JADE1: variants seen among roughly 807,000 people sequenced by gnomAD.
JADE1 encodes the protein jade family PHD finger 1.
Under a neutral mutation model 81.8 loss-of-function variants are expected in JADE1, and 14 were observed. The ratio of observed to expected loss-of-function variants is 0.17; its 90% CI spans 0.11 to 0.27. The LOEUF (loss-of-function observed/expected upper bound fraction) is 0.27. Ranked by LOEUF, JADE1 falls within the 10% of genes least tolerant of loss-of-function variation. JADE1 has a pLI of 1.00. For missense variants in JADE1, 690 were observed against 1,047.9 expected (o/e 0.66, Z 4.71); for synonymous variants, 353 against 391.9 (o/e 0.90, Z 1.17).
chr4:128,867,057 C>A (rs968675216), intron 9 of JADE1, among the ~76,000 whole-genome samples: 1 of 152,196 alleles, frequency 6.6e-6, no homozygotes, highest in African/African-American at 2.4e-5. Flanking sequence ...AAAGCAGTCA[C>A]ACATCAGATA....
rs749048184 is a variant in JADE1 at position 128,871,853 on chromosome 4, G to A, written c.2120G>A (p.Gly707Glu). 4 of 1,613,996 alleles carry A rather than the reference G, an allele frequency of 2.5e-6. No homozygotes were observed. Among genetic ancestry groups the A allele is most frequent in the Non-Finnish European group, 3.4e-6 (4 of 1,179,930 alleles). The change falls in exon 11 of 11, where the codon GGG becomes GAG. Residue 707 changes from glycine to glutamate, a missense_variant. By Grantham distance (98) the Gly-to-Glu change is moderately conservative. Around this residue, in one of 8 missense-constraint regions of JADE1, gnomAD observed 218 missense variants for 274.3 expected, o/e 0.79. Coordinates refer to ENST00000226319, the MANE Select transcript of JADE1 (RefSeq NM_199320.4). This position sits in a 1 kb window ranked among gnomAD's most constrained non-coding sequence, Gnocchi z 4.1. ...AGAGCTGCCACCTCCCCTGGAGTGG[G>A]GCAGTCAGCACCTGGCACAAGGAAG... is the stretch of plus-strand genomic sequence containing the variant. ...NTRAATSPGVGQSAPGTRKEI... is the reference protein window; with the variant it reads ...NTRAATSPGVEQSAPGTRKEI...
intron 9 of JADE1, chr4:128,863,603 A>T (rs1731547011): frequency 1.0e-6 from 1 of 985,318 alleles, no homozygotes; most frequent in Non-Finnish European, 1.2e-6. Flanking sequence ...AAGGCCGCGG[A>T]TTCCGGCCCT....
chr4:128,812,553 G>T (rs757505868), intron 1 of JADE1, among the ~76,000 whole-genome samples: 72 of 152,246 alleles, frequency 4.7e-4, no homozygotes, highest in Middle Eastern at 6.8e-3. Flanking sequence ...GGCGCGTCCC[G>T]GGTCTCCCCT....
chr4:128,850,870 G>A (rs1730290679), intron 5 of JADE1, among the ~76,000 whole-genome samples: 1 of 152,146 alleles, frequency 6.6e-6, no homozygotes, highest in African/African-American at 2.4e-5. Flanking sequence ...GATTAATTTT[G>A]TAATTTTATA....
chr4:128,827,996 C>G, intron 1 of JADE1: 7 of 449,546 alleles, frequency 1.6e-5, no homozygotes, highest in Non-Finnish European at 2.1e-5. Context: ...TTACCAGCCT[C>G]CTCTGACTCT....
intron 9 of JADE1, chr4:128,864,627 T>C: frequency 1.0e-6 from 1 of 984,122 alleles, no homozygotes; most frequent in Non-Finnish European, 1.2e-6. Flanking sequence ...CAATCATTAC[T>C]ACCAACTTGT....
intron 8 of JADE1, among the ~76,000 whole-genome samples, chr4:128,857,799 T>C (rs530090553): frequency 1.1e-4 from 17 of 152,254 alleles, no homozygotes; most frequent in African/African-American, 3.6e-4. Context: ...AGTGAGATGT[T>C]CCTTGACACG....
At chr4:128,847,524 T>TCCACA (rs1729967627) in intron 4 of JADE1, among the ~76,000 whole-genome samples, 2 of 151,878 alleles carry the variant, frequency 1.3e-5, no homozygotes, top group African/African-American at 4.8e-5. Flanking sequence ...TGGAATGGAG[T>TCCACA]GGTCATGGGG....
At chr4:128,863,424 T>A in intron 9 of JADE1, 1 of 983,706 alleles carries the variant, frequency 1.0e-6, no homozygotes, top group Non-Finnish European at 1.2e-6. Flanking sequence ...GGGAAAGACC[T>A]GGGAAACACT....
At chr4:128,843,665 G>A (rs1454830701) in intron 3 of JADE1, among the ~76,000 whole-genome samples, 1 of 152,144 alleles carries the variant, frequency 6.6e-6, no homozygotes, top group East Asian at 1.9e-4. Flanking sequence ...AAAGACTTTT[G>A]CTAGGCTTTA....
chr4:128,854,638 G>T (rs1395721708), intron 6 of JADE1, among the ~76,000 whole-genome samples: 8 of 152,132 alleles, frequency 5.3e-5, no homozygotes, highest in African/African-American at 1.9e-4. Context: ...CATAGTGGCT[G>T]TGTTTTTTCT....
chr4:128,827,894 G>T, intron 1 of JADE1: 1 of 985,168 alleles, frequency 1.0e-6, no homozygotes, highest in Non-Finnish European at 1.2e-6. Flanking sequence ...AATATGCTGT[G>T]TTACACATAT....
At chr4:128,824,146 C>A (rs905898908) in intron 1 of JADE1, among the ~76,000 whole-genome samples, 1 of 152,102 alleles carries the variant, frequency 6.6e-6, no homozygotes, top group Non-Finnish European at 1.5e-5. Flanking sequence ...TGGCAGGGCG[C>A]GGTGGCTCAC....
chr4:128,818,043 C>G lies in JADE1; in HGVS notation c.-27+8166C>G, dbSNP rs573484706. Among the ~76,000 whole-genome samples the G allele has an allele frequency of 1.3e-5, 2 of 152,140 alleles. 1 individual carries two copies. Among genetic ancestry groups the G allele is most frequent in the South Asian group, 4.2e-4 (2 of 4,810 alleles). On this transcript the variant is annotated intron_variant, in intron 1 of 10. Coordinates refer to ENST00000226319, the MANE Select transcript of JADE1 (RefSeq NM_199320.4). ...TCAGGGGTTTTCTTTTGAGAAAAAC[C>G]CACTGGTTTTACTGTGGCCTTTATT...
At chr4:128,834,380 C>G (rs944344464) in intron 2 of JADE1, among the ~76,000 whole-genome samples, 69 of 152,180 alleles carry the variant, frequency 4.5e-4, no homozygotes, top group Middle Eastern at 3.4e-3. Context: ...ATGGCCCACC[C>G]TAATAGCCTC....
intron 2 of JADE1, among the ~76,000 whole-genome samples, chr4:128,836,057 T>C (rs1372567459): frequency 2.6e-5 from 4 of 152,158 alleles, no homozygotes; most frequent in Admixed American, 2.6e-4. Flanking sequence ...TCTCTGAAGT[T>C]ACGCATTGCG....
rs151156953 is a variant in JADE1, at chr4:128,862,693, A to G, written c.1503+468A>G. 3.0e-6 allele frequency: 3 copies of G among 1,011,212 alleles called. No homozygotes were observed. The African/African-American group carries it at 5.2e-5, about 17-fold the overall frequency. The allele number at this position is 1,011,212 out of a possible 1,614,324, so 62.6% of individuals were successfully genotyped here. A position where few individuals can be genotyped will look rare whatever the true frequency, so the allele number is the denominator to read the frequency against. On this transcript the variant is annotated intron_variant, in intron 9 of 10. Transcript: ENST00000226319. ...GGGGAAACACACCTAGGTGCTGGTG[A>G]TGGGCTTATGAAGGAAGCTAAGCAC... is the stretch of plus-strand genomic sequence containing the variant.
intron 9 of JADE1, chr4:128,863,478 T>TA: frequency 1.0e-6 from 1 of 985,452 alleles, no homozygotes; most frequent in Non-Finnish European, 1.2e-6. Context: ...ATGGCCCTGT[T>TA]AGAGATGGCG....
intron 1 of JADE1, among the ~76,000 whole-genome samples, chr4:128,820,370 C>T (rs955529077): frequency 3.9e-5 from 6 of 152,142 alleles, no homozygotes; most frequent in African/African-American, 1.4e-4. Context: ...CCTCACCCTC[C>T]CAAAGTGCTG....
Sources: gnomAD v4.1 joint callset for allele counts (sites outside exome capture counted in the v4.1 genomes callset) on GRCh38, gnomAD v4.1.1 for gene constraint, gnomAD v4.1.1 regional missense constraint, Gnocchi (gnomAD v3.1) non-coding constraint, MANE v1.5 for transcripts, NCBI Gene and HGNC (gene_info 2026-07-23, HGNC 2026-07-21) for gene names.